KLHL28: variants seen among roughly 807,000 people sequenced by gnomAD.
The protein encoded by KLHL28 is kelch-like protein 28.
A neutral mutation model predicts 48.3 loss-of-function variants in KLHL28; 22 were observed. The ratio of observed to expected loss-of-function variants is 0.46; its 90% CI spans 0.33 to 0.65. The LOEUF (loss-of-function observed/expected upper bound fraction) is 0.65, where lower values mean the gene tolerates loss of function less well. KLHL28 is among the 30% of genes least tolerant of loss of function. The pLI, the probability that KLHL28 is intolerant of heterozygous loss-of-function variation, is 0.03. For missense variants in KLHL28, 527 were observed against 704.3 expected (o/e 0.75, Z 2.85); for synonymous variants, 243 against 242.4 (o/e 1.00, Z -0.02).
In KLHL28 at chr14:44,928,946, G is replaced by C; in HGVS notation, c.*82C>G. On this transcript the variant is annotated 3_prime_UTR_variant, in exon 5 of 5. Coordinates refer to ENST00000396128, the MANE Select transcript of KLHL28 (RefSeq NM_017658.5). ...AGTTAAAAAGAAAGCAATGCAGCTT[G>C]TGGGTTTCAGAAAACTGGGCCATCC... is the stretch of plus-strand genomic sequence containing the variant. The C allele has an allele frequency of 7.8e-7, 1 of 1,276,114 alleles. No individual in the cohort carries two copies. Among genetic ancestry groups the C allele is most frequent in the Non-Finnish European group, 1.1e-6 (1 of 905,382 alleles). 79.0% of individuals were successfully genotyped at this position (1,276,114 alleles called of 1,614,324 possible).
At chr14:44,955,254 A>T (rs1014762943) in intron 1 of KLHL28, among the ~76,000 whole-genome samples, 1 of 151,524 alleles carries the variant, frequency 6.6e-6, no homozygotes, top group Non-Finnish European at 1.5e-5. Context: ...TATATATAAT[A>T]CATAAAATAC....
intron 4 of KLHL28, 110 bp from the exon 5 acceptor site, chr14:44,929,301 A>G (rs1883487535): frequency 2.0e-6 from 2 of 997,446 alleles, no homozygotes; most frequent in African/African-American, 3.3e-5. Context: ...CATTTTAACA[A>G]TCTATTATTA....
chr14:44,944,544 A>G (rs1327600340), intron 2 of KLHL28, among the ~76,000 whole-genome samples: 6 of 152,246 alleles, frequency 3.9e-5, no homozygotes, highest in Admixed American at 1.3e-4. Context: ...CTCAAAGTAC[A>G]TAATTTATAT....
chr14:44,951,342 A>G (rs1368962015), intron 1 of KLHL28, among the ~76,000 whole-genome samples: 1 of 152,212 alleles, frequency 6.6e-6, no homozygotes, highest in East Asian at 1.9e-4. Flanking sequence ...GTGTCAAGCC[A>G]CGGATAAGCT....
At chr14:44,955,042 T>C (rs909194576) in intron 1 of KLHL28, among the ~76,000 whole-genome samples, 9 of 152,132 alleles carry the variant, frequency 5.9e-5, no homozygotes, top group African/African-American at 2.2e-4. Flanking sequence ...TATTGTGCTA[T>C]AAAGCAAATG....
chr14:44,929,336 C>T, intron 4 of KLHL28, 145 bp from the exon 5 acceptor site: 2 of 734,708 alleles, frequency 2.7e-6, no homozygotes, highest in Non-Finnish European at 4.1e-6. Flanking sequence ...ATACAGTAGT[C>T]CTCCCTTTAT....
chr14:44,953,195 G>A (rs996894131), intron 1 of KLHL28, among the ~76,000 whole-genome samples: 1 of 152,124 alleles, frequency 6.6e-6, no homozygotes, highest in Non-Finnish European at 1.5e-5. Flanking sequence ...ATCTCTGCGA[G>A]GGAAAAGAGA....
In KLHL28 at chr14:44,924,716, C is replaced by T. The variant is rs1883322774; in HGVS notation, c.*4312G>A. The T allele has an allele frequency of 6.6e-6, 1 of 152,600 alleles. No homozygotes were observed. The highest frequency in any genetic ancestry group is 2.4e-5 in the African/African-American group (1 of 41,452). The allele number at this position is 152,600 out of a possible 1,614,324, so 9.5% of individuals were successfully genotyped here. A position where few individuals can be genotyped will look rare whatever the true frequency, so the allele number is the denominator to read the frequency against. Reference sequence around the variant, plus strand: ...TAGGCATTATCATCCAGTTCTTTAACTTCACTTGTATTTTAAGGCAAACTT... The same window carrying T: ...TAGGCATTATCATCCAGTTCTTTAATTTCACTTGTATTTTAAGGCAAACTT... On this transcript the variant is annotated 3_prime_UTR_variant, in exon 5 of 5. Transcript: ENST00000396128.
At chr14:44,943,752 T>C (rs1884204365) in intron 2 of KLHL28, among the ~76,000 whole-genome samples, 1 of 151,674 alleles carries the variant, frequency 6.6e-6, no homozygotes, top group South Asian at 2.1e-4. Flanking sequence ...TCTCATTCTG[T>C]CACCCAGGTT....
intron 2 of KLHL28, among the ~76,000 whole-genome samples, chr14:44,941,494 G>A (rs924191312): frequency 5.9e-5 from 9 of 151,968 alleles, no homozygotes; most frequent in African/African-American, 1.9e-4. Flanking sequence ...TGGGCGTGGT[G>A]GTGCAAGCCT....
chr14:44,953,960 GTAATACAT>G (rs1884691302), intron 1 of KLHL28, among the ~76,000 whole-genome samples: 1 of 152,004 alleles, frequency 6.6e-6, no homozygotes, highest in Non-Finnish European at 1.5e-5. Context: ...ATATATATCA[GTAATACAT>G]AAAATATTTC....
rs767480597 is a variant in KLHL28, at chr14:44,934,167, A to G, written c.1291T>C (p.Leu431=). Residue 431 remains leucine (L), a synonymous_variant, in exon 3 of 5, where the codon TTG becomes CTG. Transcript: ENST00000396128. ...TTRSCFAAAV[L]DGMIYAIGGY... is the part of the protein sequence containing the mutation. The stretch of plus-strand genomic sequence containing the variant: ...CCAATGGCATATATCATTCCATCCA[A>G]TACCGCTGCAGCAAAACAACTTCTT... 1.2e-6 allele frequency: 2 copies of G among 1,613,986 alleles called. No individual in the cohort carries two copies. The highest frequency in any genetic ancestry group is 1.7e-5 in the Admixed American group (1 of 59,992).
chr14:44,950,095 A>T (rs1428098694), intron 1 of KLHL28, among the ~76,000 whole-genome samples: 1 of 152,110 alleles, frequency 6.6e-6, no homozygotes, highest in Non-Finnish European at 1.5e-5. Context: ...CAAGGAATGA[A>T]GGTTACTCAA....
chr14:44,941,435 C>G (rs1847777640), intron 2 of KLHL28, among the ~76,000 whole-genome samples: 1 of 148,678 alleles, frequency 6.7e-6, no homozygotes, highest in East Asian at 2.0e-4. Context: ...AGTTCGAGAC[C>G]AGCCTCAGCA....
intron 4 of KLHL28, among the ~76,000 whole-genome samples, chr14:44,929,459 T>A (rs1381796670): frequency 1.3e-5 from 2 of 152,218 alleles, no homozygotes; most frequent in African/African-American, 4.8e-5. Context: ...TAACTTTTAT[T>A]ACAATATATT....
chr14:44,950,130 T>C (rs1009617621), intron 1 of KLHL28, among the ~76,000 whole-genome samples: 3 of 152,062 alleles, frequency 2.0e-5, no homozygotes, highest in South Asian at 2.1e-4. Context: ...ATAATTATAA[T>C]ATAGGGTTGT....
In KLHL28 at chr14:44,954,634, T is replaced by A. The variant is rs535575014; in HGVS notation, c.-1+7212A>T. Among the ~76,000 whole-genome samples, 6 of 152,266 alleles carry A rather than the reference T, an allele frequency of 3.9e-5. No homozygotes were observed. In the South Asian group the frequency reaches 1.2e-3, roughly 32 times the overall value. On this transcript the variant is annotated intron_variant, in intron 1 of 4. Transcript: ENST00000396128. ...GAAGATTACAAACATACATAATCAT[T>A]TCTATTAAAAAAAGGAAATTTTACA...
In KLHL28 at chr14:44,924,444, T is replaced by A. The variant is rs1014656436; in HGVS notation, c.*4584A>T. 1.3e-5 allele frequency: 2 copies of A among 152,622 alleles called. No homozygotes were observed. Among genetic ancestry groups the A allele is most frequent in the African/African-American group, 4.8e-5 (2 of 41,462 alleles). The allele number at this position is 152,622 out of a possible 1,614,324, so 9.5% of individuals were successfully genotyped here. On this transcript the variant is annotated 3_prime_UTR_variant, in exon 5 of 5. Coordinates refer to ENST00000396128, the MANE Select transcript of KLHL28 (RefSeq NM_017658.5). ...TTAAAATAAAAAAGAATACAATTCT[T>A]AACTAGTTAAATGACACTTTAGTGT...
At chr14:44,936,643 T>C (rs1594569328) in intron 2 of KLHL28, among the ~76,000 whole-genome samples, 2 of 152,182 alleles carry the variant, frequency 1.3e-5, no homozygotes, top group Non-Finnish European at 2.9e-5. Context: ...GAAGGCTCCA[T>C]GTGAGACAAG....
Sources: allele counts gnomAD v4.1 joint callset (sites outside exome capture counted in the v4.1 genomes callset), GRCh38; gene constraint gnomAD v4.1.1; transcripts MANE v1.5; gene names NCBI Gene and HGNC (gene_info 2026-07-23, HGNC 2026-07-21).